Variants in PTH1R observed in about 807,000 individuals in gnomAD.
PTH1R encodes the protein parathyroid hormone/parathyroid hormone-related peptide receptor.
PTH1R carries 32 observed loss-of-function variants against 70.7 expected under a neutral mutation model. The observed-to-expected ratio is 0.45, with a 90% CI of 0.34 to 0.61. The LOEUF is 0.61. PTH1R is among the 20% of genes least tolerant of loss of function. The pLI, the probability that PTH1R is intolerant of heterozygous loss-of-function variation, is 0.01. For missense variants in PTH1R, 626 were observed against 792.5 expected (o/e 0.79, Z 2.52); for synonymous variants, 329 against 324.8 (o/e 1.01, Z -0.14).
chr3:46,895,653 G>C, intron 4 of PTH1R, 82 bp from the exon 5 acceptor site: 1 of 1,607,226 alleles, frequency 6.2e-7, no homozygotes, highest in Non-Finnish European at 8.5e-7. Flanking sequence ...TTGTACAAAG[G>C]GGGAGTCTGA....
intron 3 of PTH1R, among the ~76,000 whole-genome samples, chr3:46,889,643 T>C (rs912466585): frequency 1.3e-5 from 2 of 151,692 alleles, no homozygotes; most frequent in Non-Finnish European, 2.9e-5. Flanking sequence ...CAGTGGAGGG[T>C]ATTGAAGCCA....
Position 46,903,281 on chromosome 3 carries a change from G to A in PTH1R, c.1407G>A (p.Glu469=). The A allele has an allele frequency of 6.2e-7, 1 of 1,612,918 alleles. No individual in the cohort carries two copies. The highest frequency in any genetic ancestry group is 8.5e-7 in the Non-Finnish European group (1 of 1,179,984). ...CTTACTGCCCCAAGGTACAAGCTGA[G>A]ATCAAGAAATCTTGGAGCCGCTGGA... The part of the protein sequence containing the change: ...YCFCNGEVQA[E]IKKSWSRWTL... Residue 469 remains glutamate, a synonymous_variant, in exon 16 of 16, where the codon GAG becomes GAA. Transcript: ENST00000449590. The surrounding 1 kb of genome is among the most constrained non-coding windows in gnomAD (Gnocchi z 4.4).
rs1475586840 is a variant in PTH1R, at chr3:46,883,095, C to T, written c.-48-417C>T. Among the ~76,000 whole-genome samples the T allele has an allele frequency of 6.6e-6, 1 of 151,602 alleles. No homozygotes were observed. The highest frequency in any genetic ancestry group is 1.5e-5 in the Non-Finnish European group (1 of 67,766). On this transcript the variant is annotated intron_variant, in intron 2 of 15. Coordinates refer to ENST00000449590, the MANE Select transcript of PTH1R (RefSeq NM_000316.3). The surrounding 1 kb of genome is among the most constrained non-coding windows in gnomAD (Gnocchi z 6.4). ...GACCCCGACCCCTCCCCCGCCCCCT[C>T]CCCCCACTGGGCGTGGGGCGAAGCC...
chr3:46,887,747 A>G lies in PTH1R; in HGVS notation c.75+4113A>G, dbSNP rs778009990. Among the ~76,000 whole-genome samples, 10 of 152,238 alleles carry G rather than the reference A, an allele frequency of 6.6e-5. 1 individual carries two copies. Among genetic ancestry groups the G allele is most frequent in the Admixed American group, 3.9e-4 (6 of 15,284 alleles). ...ATATTTTGACGTAAATGTGTGTCTT[A>G]GAGATCTTCATTTCAGTAAATATGA... On this transcript the variant is annotated intron_variant, in intron 3 of 15. Coordinates refer to ENST00000449590, the MANE Select transcript of PTH1R (RefSeq NM_000316.3).
In PTH1R at chr3:46,903,070, A is replaced by G. The variant is rs760857447; in HGVS notation, c.1396-200A>G. 1.2e-4 allele frequency: 131 copies of G among 1,124,946 alleles called. No homozygotes were observed. The highest frequency in any genetic ancestry group is 1.6e-4 in the Non-Finnish European group (127 of 774,372). The allele number at this position is 1,124,946 out of a possible 1,614,324, so 69.7% of individuals were successfully genotyped here. A position where few individuals can be genotyped will look rare whatever the true frequency, so the allele number is the denominator to read the frequency against. On this transcript the variant is annotated intron_variant, in intron 15 of 15. Transcript: ENST00000449590. The surrounding 1 kb of genome is among the most constrained non-coding windows in gnomAD (Gnocchi z 4.4). ...GGAGGACTCAGCCACCTTTGGGGCAATTTGAGCCTTGTAGATTCTGGGTGT... is the reference window on the plus strand; with the variant it reads ...GGAGGACTCAGCCACCTTTGGGGCAGTTTGAGCCTTGTAGATTCTGGGTGT...
chr3:46,898,569 G>A, intron 8 of PTH1R, 93 bp from the exon 9 acceptor site: 1 of 1,598,918 alleles, frequency 6.3e-7, no homozygotes, highest in Non-Finnish European at 8.5e-7. Context: ...CACCCCCGGC[G>A]GGTGTCCCTA....
At position 46,883,715 on chromosome 3, in the gene PTH1R, C is replaced by A; in HGVS notation, c.75+81C>A. 1 of 1,483,162 alleles carries A rather than the reference C, an allele frequency of 6.7e-7. No individual in the cohort carries two copies. 91.9% of individuals were successfully genotyped at this position (1,483,162 alleles called of 1,614,324 possible). On this transcript the variant is annotated intron_variant, in intron 3 of 15. Transcript: ENST00000449590. The surrounding 1 kb of genome is among the most constrained non-coding windows in gnomAD (Gnocchi z 6.4). ...GCGGGATAGGTCTAAGGCACGCAGT[C>A]TTGAGTTCCCCCAGTAGTTCGAACT... is the stretch of plus-strand genomic sequence containing the variant.
At position 46,901,588 on chromosome 3, in the gene PTH1R, C is replaced by A; in HGVS notation, c.1116+108C>A. ...AGGAGGCTTCCCTGGACCCCAGTGT[C>A]AGAGCTACAGAGGCCGGAGGACCAG... is the stretch of plus-strand genomic sequence containing the variant. On this transcript the variant is annotated intron_variant, in intron 12 of 15. Coordinates refer to ENST00000449590, the MANE Select transcript of PTH1R (RefSeq NM_000316.3). The surrounding 1 kb of genome is among the most constrained non-coding windows in gnomAD (Gnocchi z 7.3). The A allele has an allele frequency of 7.1e-7, 1 of 1,407,336 alleles. No individual in the cohort carries two copies. Among genetic ancestry groups the A allele is most frequent in the South Asian group, 1.3e-5 (1 of 79,162 alleles). The allele number at this position is 1,407,336 out of a possible 1,614,324, so 87.2% of individuals were successfully genotyped here. A position where few individuals can be genotyped will look rare whatever the true frequency, so the allele number is the denominator to read the frequency against.
In PTH1R at chr3:46,902,516, G is replaced by C; in HGVS notation, c.1212-10G>C. On this transcript the variant is annotated splice_polypyrimidine_tract_variant and intron_variant, in intron 13 of 15. Transcript: ENST00000449590. The surrounding 1 kb of genome is among the most constrained non-coding windows in gnomAD (Gnocchi z 5.4). ...GGCTTGGCCCTGACCTACCTGCCCC[G>C]CTGGCCCAGGAAGCTGCTCAAATCC... 6.2e-7 allele frequency: 1 copy of C among 1,609,046 alleles called. No homozygotes were observed. Among genetic ancestry groups the C allele is most frequent in the Non-Finnish European group, 8.5e-7 (1 of 1,178,602 alleles).
rs2030445362 is a variant in PTH1R, at chr3:46,879,823, G to A, written c.-105-1239G>A. Among the ~76,000 whole-genome samples the A allele has an allele frequency of 6.6e-6, 1 of 152,108 alleles. No homozygotes were observed. Among genetic ancestry groups the A allele is most frequent in the African/African-American group, 2.4e-5 (1 of 41,414 alleles). On this transcript the variant is annotated intron_variant, in intron 1 of 15. Coordinates refer to ENST00000449590, the MANE Select transcript of PTH1R (RefSeq NM_000316.3). This position sits in a 1 kb window ranked among gnomAD's most constrained non-coding sequence, Gnocchi z 4.7. ...TTGGGAGGCCGAGACAGGATCACTTGAGGCCAGGAGTTTGAAACCAGCCTG... is the reference window on the plus strand; with the variant it reads ...TTGGGAGGCCGAGACAGGATCACTTAAGGCCAGGAGTTTGAAACCAGCCTG...
Position 46,898,678 on chromosome 3 carries a change from C to T in PTH1R, c.655C>T (p.Arg219Cys), listed in dbSNP as rs1375868219. The change falls in exon 9 of 16, where the codon CGC (arginine) becomes TGC (cysteine). Residue 219 changes from arginine to cysteine, a missense_variant. Transcript: ENST00000449590. ...GCCCCGCAGGCGGCTGCACTGCACGCGCAACTACATCCACATGCACCTGTT... is the reference window on the plus strand; with the variant it reads ...GCCCCGCAGGCGGCTGCACTGCACGTGCAACTACATCCACATGCACCTGTT... ...LAYFRRLHCTRNYIHMHLFLS... is the reference protein window; with the variant it reads ...LAYFRRLHCTCNYIHMHLFLS... 1 of 1,612,424 alleles carries T rather than the reference C, an allele frequency of 6.2e-7. No individual in the cohort carries two copies. The highest frequency in any genetic ancestry group is 2.2e-5 in the East Asian group (1 of 44,870).
intron 3 of PTH1R, among the ~76,000 whole-genome samples, chr3:46,886,561 G>A: frequency 6.6e-6 from 1 of 152,156 alleles, no homozygotes; most frequent in South Asian, 2.1e-4. Context: ...GTTTCACCGT[G>A]TTAGCCAGGA....
At chr3:46,887,131 T>C (rs897609639) in intron 3 of PTH1R, among the ~76,000 whole-genome samples, 17 of 151,768 alleles carry the variant, frequency 1.1e-4, no homozygotes, top group African/African-American at 3.6e-4. Flanking sequence ...TCCCAGCTTA[T>C]TGGAAGGCTG....
chr3:46,883,724 C>G lies in PTH1R; in HGVS notation c.75+90C>G. 8 of 1,454,760 alleles carry G rather than the reference C, an allele frequency of 5.5e-6. No individual in the cohort carries two copies. Among genetic ancestry groups the G allele is most frequent in the Non-Finnish European group, 5.6e-6 (6 of 1,070,812 alleles). 90.1% of individuals were successfully genotyped at this position (1,454,760 alleles called of 1,614,324 possible). Reference sequence around the variant, plus strand: ...GTCTAAGGCACGCAGTCTTGAGTTCCCCCAGTAGTTCGAACTTTGGGTGAG... The same window carrying G: ...GTCTAAGGCACGCAGTCTTGAGTTCGCCCAGTAGTTCGAACTTTGGGTGAG... On this transcript the variant is annotated intron_variant, in intron 3 of 15. Transcript: ENST00000449590. This position sits in a 1 kb window ranked among gnomAD's most constrained non-coding sequence, Gnocchi z 6.4.
chr3:46,877,912 G>C (rs561436100), intron 1 of PTH1R, 69 bp downstream of exon 1: 6 of 152,282 alleles, frequency 3.9e-5, no homozygotes, highest in Non-Finnish European at 8.8e-5. Flanking sequence ...GGTTTCCCTG[G>C]GGGTGAGTGT....
chr3:46,892,800 G>T lies in PTH1R; in HGVS notation c.76-1107G>T, dbSNP rs144645644. The T allele has an allele frequency of 0.015, 14,704 of 985,796 alleles. 122 individuals are homozygous for T. Among genetic ancestry groups the T allele is most frequent in the South Asian group, 0.024 (518 of 21,298 alleles). The allele number at this position is 985,796 out of a possible 1,614,324, so 61.1% of individuals were successfully genotyped here. On this transcript the variant is annotated intron_variant, in intron 3 of 15. Transcript: ENST00000449590. This position sits in a 1 kb window ranked among gnomAD's most constrained non-coding sequence, Gnocchi z 5.2. ...TGCAGCTCTGCCGCGGAGCTGAGGA[G>T]ACGTAGCCTTCTGGGGTAGGGATGG... is the stretch of plus-strand genomic sequence containing the variant.
At chr3:46,898,918 C>CGCCCACG in intron 9 of PTH1R, 61 bp downstream of exon 9, 1 of 1,216,056 alleles carries the variant, frequency 8.2e-7, no homozygotes, top group Non-Finnish European at 1.1e-6. Context: ...GGCCCCGCCC[C>CGCCCACG]GCCCCGCTCC....
Position 46,893,097 on chromosome 3 carries a change from G to A in PTH1R, c.76-810G>A, listed in dbSNP as rs188895745. Among the ~76,000 whole-genome samples the A allele has an allele frequency of 8.8e-4, 134 of 152,312 alleles. No individual in the cohort carries two copies. Among genetic ancestry groups the A allele is most frequent in the African/African-American group, 2.9e-3 (122 of 41,572 alleles). On this transcript the variant is annotated intron_variant, in intron 3 of 15. Transcript: ENST00000449590. The surrounding 1 kb of genome is among the most constrained non-coding windows in gnomAD (Gnocchi z 5.2). Reference sequence around the variant, plus strand: ...ATTTCATTTCCTTTCTTATAATGAGGCCAGTGAGTCCCGGTGGGTGGCAGC... The same window carrying A: ...ATTTCATTTCCTTTCTTATAATGAGACCAGTGAGTCCCGGTGGGTGGCAGC...
At chr3:46,887,867 T>C (rs1443585077) in intron 3 of PTH1R, among the ~76,000 whole-genome samples, 1 of 152,192 alleles carries the variant, frequency 6.6e-6, no homozygotes, top group Non-Finnish European at 1.5e-5. Flanking sequence ...GCATAATTTG[T>C]GTGTGTGTCT....
Sources: allele counts gnomAD v4.1 joint callset (sites outside exome capture counted in the v4.1 genomes callset), GRCh38; gene constraint gnomAD v4.1.1; non-coding constraint Gnocchi (gnomAD v3.1); transcripts MANE v1.5; gene names NCBI Gene and HGNC (gene_info 2026-07-23, HGNC 2026-07-21).